Variants in GRIP1 observed in about 807,000 individuals in gnomAD.
GRIP1 encodes glutamate receptor interacting protein 1, also known as glutamate receptor-interacting protein 1.
A neutral mutation model predicts 129.9 loss-of-function variants in GRIP1; 45 were observed. That is an observed-to-expected ratio of 0.35 (90% confidence interval 0.27 to 0.44). The LOEUF (loss-of-function observed/expected upper bound fraction) is 0.44, where lower values mean the gene tolerates loss of function less well. Among genes scored for constraint, GRIP1 ranks in the 20% least tolerant of loss-of-function variants. The pLI is 1.00. For synonymous variants in GRIP1, 530 were observed against 520.8 expected, an observed-to-expected ratio of 1.02 and a Z score of -0.24; for missense variants, 1,196 against 1,396.8, an observed-to-expected ratio of 0.86 and a Z score of 2.29.
intron 1 of GRIP1, among the ~76,000 whole-genome samples, chr12:67,015,397 C>T (rs1301774429): frequency 2.6e-5 from 4 of 152,116 alleles, no homozygotes; most frequent in Non-Finnish European, 4.4e-5. Flanking sequence ...AAGAGGGGTT[C>T]TCTTGACTCT....
intron 1 of GRIP1, among the ~76,000 whole-genome samples, chr12:66,687,609 T>C (rs1037616614): frequency 2.0e-5 from 3 of 152,186 alleles, no homozygotes; most frequent in Non-Finnish European, 4.4e-5. Flanking sequence ...ATACTAAACA[T>C]GTAGTTCTAA....
chr12:67,064,111 TAA>T (rs2043581864), intron 1 of GRIP1, among the ~76,000 whole-genome samples: 1 of 152,202 alleles, frequency 6.6e-6, no homozygotes, highest in Admixed American at 6.5e-5. Flanking sequence ...TAATTCAACT[TAA>T]AAATATGTTG....
chr12:66,849,012 A>G (rs148207442), intron 1 of GRIP1, among the ~76,000 whole-genome samples: 4,646 of 152,188 alleles, frequency 0.031, 106 homozygotes, highest in Non-Finnish European at 0.05. Context: ...GGTTCTCCCA[A>G]CTGTACTCCA....
intron 7 of GRIP1, among the ~76,000 whole-genome samples, chr12:66,484,970 A>G (rs1380296095): frequency 6.6e-6 from 1 of 152,192 alleles, no homozygotes; most frequent in African/African-American, 2.4e-5. Flanking sequence ...TATTATCAGT[A>G]AAAAATATTG....
chr12:66,997,783 C>G (rs1379640288), intron 1 of GRIP1, among the ~76,000 whole-genome samples: 2 of 152,068 alleles, frequency 1.3e-5, no homozygotes, highest in African/African-American at 4.8e-5. Context: ...AAAAACTTAT[C>G]CAAAGGTCAC....
chr12:66,515,124 G>T (rs1175686133), intron 7 of GRIP1, among the ~76,000 whole-genome samples: 1 of 152,014 alleles, frequency 6.6e-6, no homozygotes, highest in East Asian at 1.9e-4. Context: ...TTTAATCAAT[G>T]ATACTACATC....
chr12:66,917,387 C>T (rs545647519), intron 1 of GRIP1, among the ~76,000 whole-genome samples: 175 of 152,278 alleles, frequency 1.1e-3, no homozygotes, highest in African/African-American at 3.6e-3. Context: ...ACACTTCCCT[C>T]AATCCAGGAA....
chr12:66,508,876 T>C (rs1332173985), intron 7 of GRIP1, among the ~76,000 whole-genome samples: 1 of 152,158 alleles, frequency 6.6e-6, no homozygotes, highest in Non-Finnish European at 1.5e-5. Context: ...TATTAGAGAA[T>C]CATGTAATTT....
chr12:66,573,300 G>C (rs1323625590), intron 2 of GRIP1, among the ~76,000 whole-genome samples: 1 of 152,000 alleles, frequency 6.6e-6, no homozygotes, highest in African/African-American at 2.4e-5. Context: ...AGTCGAGACT[G>C]CTATTCTATT....
intron 7 of GRIP1, 148 bp downstream of exon 7, chr12:66,515,471 A>G: frequency 1.2e-6 from 1 of 803,726 alleles, no homozygotes; most frequent in Non-Finnish European, 2.2e-6. Flanking sequence ...ATATTCCTGA[A>G]CTCAAACAGA....
intron 1 of GRIP1, among the ~76,000 whole-genome samples, chr12:66,868,539 A>AT (rs2040243043): frequency 1.3e-5 from 2 of 152,096 alleles, no homozygotes; most frequent in East Asian, 3.9e-4. Flanking sequence ...AAATCCAGAG[A>AT]TTTTTTACTC....
At chr12:66,659,637 A>G (rs1463341045) in intron 1 of GRIP1, among the ~76,000 whole-genome samples, 1 of 152,246 alleles carries the variant, frequency 6.6e-6, no homozygotes, top group Non-Finnish European at 1.5e-5. Context: ...TAAACTCTAT[A>G]TGTACACAAT....
chr12:66,856,873 G>A (rs932113448), intron 1 of GRIP1, among the ~76,000 whole-genome samples: 1 of 152,054 alleles, frequency 6.6e-6, no homozygotes, highest in East Asian at 1.9e-4. Context: ...CCATTACTGG[G>A]TATATACCCA....
chr12:67,027,539 G>C (rs2042958154), intron 1 of GRIP1, among the ~76,000 whole-genome samples: 1 of 152,188 alleles, frequency 6.6e-6, no homozygotes, highest in Non-Finnish European at 1.5e-5. Context: ...TCCCTGTAGA[G>C]TTCATAGTCT....
Position 66,349,147 on chromosome 12 carries a change from G to A in GRIP1, c.3259C>T (p.Leu1087=), listed in dbSNP as rs746868165. Residue 1087 remains leucine (L), a synonymous_variant, in exon 25 of 25, where the codon CTG becomes TTG. Transcript: ENST00000359742. Reference sequence around the variant, plus strand: ...TGGTCTATAGACTTCTGTGAAGCCAGTGGGTTTCTACTAATAACCAGGTCC... The same window carrying A: ...TGGTCTATAGACTTCTGTGAAGCCAATGGGTTTCTACTAATAACCAGGTCC... The part of the protein sequence containing the change: ...KLDLVISRNP[L]ASQKSIDQQS... 1.2e-6 allele frequency: 2 copies of A among 1,613,822 alleles called. No individual in the cohort carries two copies. Among genetic ancestry groups the A allele is most frequent in the Admixed American group, 1.7e-5 (1 of 60,020 alleles).
chr12:66,642,528 C>T (rs530881487), intron 1 of GRIP1, among the ~76,000 whole-genome samples: 33 of 152,136 alleles, frequency 2.2e-4, no homozygotes, highest in Non-Finnish European at 3.1e-4. Context: ...CCCAGGATGA[C>T]GGGGAGCCAT....
At chr12:66,612,762 G>A (rs1305428511) in intron 1 of GRIP1, among the ~76,000 whole-genome samples, 1 of 152,130 alleles carries the variant, frequency 6.6e-6, no homozygotes, top group Non-Finnish European at 1.5e-5. Flanking sequence ...CAGAAACCTT[G>A]TTATGCAGCA....
At chr12:66,881,654 G>A (rs2040480750) in intron 1 of GRIP1, among the ~76,000 whole-genome samples, 1 of 152,086 alleles carries the variant, frequency 6.6e-6, no homozygotes, top group Admixed American at 6.6e-5. Context: ...AAAGGAGGGG[G>A]AAAGGGTCAA....
chr12:66,982,819 T>C (rs925316903), intron 1 of GRIP1, among the ~76,000 whole-genome samples: 1 of 152,186 alleles, frequency 6.6e-6, no homozygotes, highest in African/African-American at 2.4e-5. Flanking sequence ...CAGGAACTTT[T>C]AAATAATAAA....
Sources: gnomAD v4.1 joint callset for allele counts (sites outside exome capture counted in the v4.1 genomes callset) on GRCh38, gnomAD v4.1.1 for gene constraint, MANE v1.5 for transcripts, NCBI Gene and HGNC (gene_info 2026-07-23, HGNC 2026-07-21) for gene names.